PPP3CA: variants seen among roughly 807,000 people sequenced by gnomAD.
The protein encoded by PPP3CA is protein phosphatase 3 catalytic subunit alpha, also known as CAM-PRP catalytic subunit.
In PPP3CA, 14 loss-of-function variants were observed where a neutral mutation model predicts 66.5. That is an observed-to-expected ratio of 0.21 (90% CI 0.14 to 0.33). PPP3CA has a LOEUF of 0.33. Ranked by LOEUF, PPP3CA falls within the 10% of genes least tolerant of loss-of-function variation. The pLI is 1.00. For missense variants in PPP3CA, 317 were observed against 639.5 expected (o/e 0.50, Z 5.44); for synonymous variants, 232 against 226.2 (o/e 1.03, Z -0.23).
At chr4:101,151,652 C>CTTT (rs369745312) in intron 2 of PPP3CA, among the ~76,000 whole-genome samples, 8,000 of 84,672 alleles carry the variant, frequency 0.094, 861 homozygotes, top group African/African-American at 0.18. Flanking sequence ...CCAAGGTTTC[C>CTTT]TTTTTTTTTT....
intron 2 of PPP3CA, among the ~76,000 whole-genome samples, chr4:101,169,125 A>C (rs1175035397): frequency 6.6e-6 from 1 of 152,230 alleles, no homozygotes; most frequent in African/African-American, 2.4e-5. Context: ...TAAGCAGTTA[A>C]GCAATTATAC....
intron 1 of PPP3CA, among the ~76,000 whole-genome samples, chr4:101,235,862 T>C (rs765205472): frequency 1.8e-4 from 27 of 151,922 alleles, no homozygotes; most frequent in Admixed American, 5.3e-4. Flanking sequence ...AGGGCCCATA[T>C]GACTTTCCAA....
intron 1 of PPP3CA, 145 bp from the exon 2 acceptor site, chr4:101,196,261 T>C (rs1724788637): frequency 4.0e-6 from 3 of 758,948 alleles, no homozygotes; most frequent in Non-Finnish European, 4.1e-6. Context: ...TCAAGGGCTA[T>C]CTATCAAAAA....
At chr4:101,142,486 A>C (rs1020434135) in intron 2 of PPP3CA, among the ~76,000 whole-genome samples, 2 of 152,206 alleles carry the variant, frequency 1.3e-5, no homozygotes, top group Non-Finnish European at 2.9e-5. Context: ...TCAATCACTG[A>C]GTGTCAATTA....
chr4:101,266,927 A>T (rs1727186552), intron 1 of PPP3CA, among the ~76,000 whole-genome samples: 1 of 152,196 alleles, frequency 6.6e-6, no homozygotes, highest in Non-Finnish European at 1.5e-5. Context: ...TATTTTCTTC[A>T]TTTAAGCCAA....
chr4:101,087,280 T>C (rs1729713509), intron 6 of PPP3CA, among the ~76,000 whole-genome samples: 1 of 152,182 alleles, frequency 6.6e-6, no homozygotes. Context: ...GACAGAACTT[T>C]TCCAGAATTT....
intron 2 of PPP3CA, among the ~76,000 whole-genome samples, chr4:101,181,673 C>T (rs1237691955): frequency 6.6e-6 from 1 of 152,006 alleles, no homozygotes; most frequent in African/African-American, 2.4e-5. Context: ...AAAAAAGAAA[C>T]ACATTACAAT....
At chr4:101,240,250 A>G (rs531599747) in intron 1 of PPP3CA, among the ~76,000 whole-genome samples, 1 of 152,184 alleles carries the variant, frequency 6.6e-6, no homozygotes, top group South Asian at 2.1e-4. Flanking sequence ...AAATTTATAT[A>G]TGCAATAGAG....
At chr4:101,127,506 C>CA (rs1200402727) in intron 2 of PPP3CA, among the ~76,000 whole-genome samples, 2 of 151,608 alleles carry the variant, frequency 1.3e-5, no homozygotes, top group South Asian at 2.1e-4. Flanking sequence ...TGTCACAAGC[C>CA]AAAAAAAGGC....
chr4:101,160,287 A>G (rs1009745037), intron 2 of PPP3CA, among the ~76,000 whole-genome samples: 1 of 152,120 alleles, frequency 6.6e-6, no homozygotes, highest in Non-Finnish European at 1.5e-5. Context: ...ACGACCACTG[A>G]TATAAGTCAT....
At chr4:101,180,900 A>G (rs975593254) in intron 2 of PPP3CA, among the ~76,000 whole-genome samples, 5 of 151,926 alleles carry the variant, frequency 3.3e-5, no homozygotes, top group African/African-American at 1.2e-4. Context: ...GGTGGTGTGC[A>G]CCTCATTAGC....
rs547772542 is a variant in PPP3CA at position 101,135,125 on chromosome 4, G to A, written c.260-26047C>T. 5.9e-5 allele frequency among the ~76,000 whole-genome samples: 9 copies of A among 152,058 alleles called. No homozygotes were observed. In the East Asian group the frequency reaches 1.5e-3, roughly 26 times the overall value. The stretch of plus-strand genomic sequence containing the variant: ...AGGAGAAATACCTAATGTACATGAT[G>A]GGCTAATGGGTGCAGCAAACCACGA... On this transcript the variant is annotated intron_variant, in intron 2 of 13. Transcript: ENST00000394854.
intron 1 of PPP3CA, among the ~76,000 whole-genome samples, chr4:101,336,963 T>TC (rs1471186208): frequency 6.6e-6 from 1 of 152,162 alleles, no homozygotes; most frequent in African/African-American, 2.4e-5. Flanking sequence ...ATCAAAGGTC[T>TC]CCCCTACATC....
chr4:101,089,123 A>T (rs1233440323), intron 6 of PPP3CA, among the ~76,000 whole-genome samples: 2 of 152,202 alleles, frequency 1.3e-5, no homozygotes, highest in Non-Finnish European at 2.9e-5. Flanking sequence ...AGGAAAAGAG[A>T]TGAAGCGGGC....
At chr4:101,338,446 C>G (rs2110339840) in intron 1 of PPP3CA, among the ~76,000 whole-genome samples, 2 of 152,312 alleles carry the variant, frequency 1.3e-5, no homozygotes, top group South Asian at 4.1e-4. Flanking sequence ...TCCATCTTAT[C>G]CTTTGTTATT....
chr4:101,126,590 G>A (rs1046091225), intron 2 of PPP3CA, among the ~76,000 whole-genome samples: 1 of 152,180 alleles, frequency 6.6e-6, no homozygotes. Flanking sequence ...TACAGATACA[G>A]AGATTATGAT....
intron 1 of PPP3CA, among the ~76,000 whole-genome samples, chr4:101,257,297 G>C (rs1726875365): frequency 1.3e-5 from 2 of 150,492 alleles, no homozygotes; most frequent in African/African-American, 2.4e-5. Context: ...CCCTGGATTA[G>C]GGAGATAGAG....
intron 1 of PPP3CA, among the ~76,000 whole-genome samples, chr4:101,197,258 G>T (rs1192768703): frequency 1.3e-5 from 2 of 152,184 alleles, no homozygotes; most frequent in Non-Finnish European, 2.9e-5. Context: ...ACTTACAGGA[G>T]ACCTATGCCA....
rs202180347 is a variant in PPP3CA, at chr4:101,234,576, G to GT, written c.59-38461dup. ...TCATGTCCTTTCCCCACTTTTTAATGTTTTTTTTTTCTTGTAAATCGGGTC... is the reference window on the plus strand; with the variant it reads ...TCATGTCCTTTCCCCACTTTTTAATGTTTTTTTTTTTCTTGTAAATCGGGTC... On this transcript the variant is annotated intron_variant, in intron 1 of 13. Transcript: ENST00000394854. Among the ~76,000 whole-genome samples the GT allele has an allele frequency of 9.9e-4, 145 of 146,332 alleles. No individual in the cohort carries two copies. The East Asian group carries it at 0.014, about 14-fold the overall frequency.
Sources: allele counts gnomAD v4.1 joint callset (sites outside exome capture counted in the v4.1 genomes callset), GRCh38; gene constraint gnomAD v4.1.1; transcripts MANE v1.5; gene names NCBI Gene and HGNC (gene_info 2026-07-23, HGNC 2026-07-21).